CFAP97: variants seen among roughly 807,000 people sequenced by gnomAD.
CFAP97 encodes cilia- and flagella-associated protein 97.
In CFAP97, 36 loss-of-function variants were observed where a neutral mutation model predicts 43.1. That is an observed-to-expected ratio of 0.84 (90% CI 0.64 to 1.10). The LOEUF is 1.10. Ranked by LOEUF, CFAP97 falls within the 50% of genes least tolerant of loss-of-function variation. The pLI, the probability that CFAP97 is intolerant of heterozygous loss-of-function variation, is 0.00. For synonymous variants in CFAP97, 228 were observed against 225.7 expected, an observed-to-expected ratio of 1.01 and a Z score of -0.09; for missense variants, 657 against 620.3, an observed-to-expected ratio of 1.06 and a Z score of -0.63.
At chr4:185,185,840 A>C (rs537776153) in intron 2 of CFAP97, among the ~76,000 whole-genome samples, 1 of 151,798 alleles carries the variant, frequency 6.6e-6, no homozygotes, top group Non-Finnish European at 1.5e-5. Flanking sequence ...GGGTTTCACC[A>C]TGTTGCCCAG....
At chr4:185,172,078 T>A (rs957126941) in intron 3 of CFAP97, among the ~76,000 whole-genome samples, 14 of 152,148 alleles carry the variant, frequency 9.2e-5, no homozygotes, top group African/African-American at 3.1e-4. Context: ...AAAAAATTAC[T>A]CCCCTTTTTA....
At chr4:185,199,211 A>G (rs11132287) in intron 1 of CFAP97, among the ~76,000 whole-genome samples, 69,007 of 151,920 alleles carry the variant, frequency 0.45, 16,317 homozygotes, top group East Asian at 0.57. Context: ...CATCTCTACA[A>G]AAAGAGAAAA....
chr4:185,175,628 G>A lies in CFAP97; in HGVS notation c.1320+158C>T, dbSNP rs573492704. Among the ~76,000 whole-genome samples, 7 of 152,170 alleles carry A rather than the reference G, an allele frequency of 4.6e-5. No homozygotes were observed. In the South Asian group the frequency reaches 8.3e-4, roughly 18 times the overall value. ...GATAAAAATACATATCGTATCCTCC[G>A]GACTTACAGCACATCATATGTTTCA... is the stretch of plus-strand genomic sequence containing the variant. On this transcript the variant is annotated intron_variant, in intron 3 of 4. Transcript: ENST00000458385.
upstream of CFAP97, among the ~76,000 whole-genome samples, chr4:185,205,448 T>A (rs1207103619): frequency 2.2e-5 from 1 of 45,612 alleles, no homozygotes; most frequent in African/African-American, 5.3e-5. Context: ...AGTAAGACTG[T>A]GTCTCAAAAA....
intron 1 of CFAP97, among the ~76,000 whole-genome samples, chr4:185,202,112 T>TA (rs1462977627): frequency 1.3e-5 from 2 of 152,160 alleles, no homozygotes; most frequent in Non-Finnish European, 2.9e-5. Context: ...ATAACCCCAG[T>TA]ACCCAAAGGA....
chr4:185,190,739 T>C lies in CFAP97; in HGVS notation c.458A>G (p.Lys153Arg). The C allele has an allele frequency of 6.3e-7, 1 of 1,584,940 alleles. No individual in the cohort carries two copies. Among genetic ancestry groups the C allele is most frequent in the Non-Finnish European group, 8.6e-7 (1 of 1,163,806 alleles). Residue 153 changes from lysine (K) to arginine (R), a missense_variant, in exon 2 of 5, where the codon AAA becomes AGA. Lys to Arg is a conservative substitution (Grantham distance 26). Coordinates refer to ENST00000458385, the MANE Select transcript of CFAP97 (RefSeq NM_020827.3). The part of the protein sequence containing the change: ...KKYHVKSKSA[K>R]PSTNVKKSIR... ...GCTTTTTTTAACGTTAGTAGATGGT[T>C]TAGCGGACTTGGACTTCACATGGTA...
At chr4:185,202,325 G>C (rs1298397200) in intron 1 of CFAP97, among the ~76,000 whole-genome samples, 1 of 152,178 alleles carries the variant, frequency 6.6e-6, no homozygotes, top group Non-Finnish European at 1.5e-5. Context: ...CAGGCAGGCA[G>C]ACCACTTGAG....
At chr4:185,172,562 G>C (rs908381930) in intron 3 of CFAP97, among the ~76,000 whole-genome samples, 2 of 152,142 alleles carry the variant, frequency 1.3e-5, no homozygotes, top group African/African-American at 4.8e-5. Context: ...TCTGTCACTG[G>C]AGAGAGAGCA....
chr4:185,175,868 C>G lies in CFAP97; in HGVS notation c.1238G>C (p.Arg413Thr). The change falls in exon 3 of 5, where the codon AGA becomes ACA. Residue 413 changes from arginine (R) to threonine (T), a missense_variant. Coordinates refer to ENST00000458385, the MANE Select transcript of CFAP97 (RefSeq NM_020827.3). ...TAACTTTGGGGGATGATCAGCCGATCTAGGAATTGTACTTTTGCTTCCCGG... is the reference window on the plus strand; with the variant it reads ...TAACTTTGGGGGATGATCAGCCGATGTAGGAATTGTACTTTTGCTTCCCGG... ...EKPGSKSTIP[R>T]SADHPPKLYH... is the part of the protein sequence containing the mutation. The G allele has an allele frequency of 1.2e-6, 2 of 1,613,928 alleles. No individual in the cohort carries two copies. Among genetic ancestry groups the G allele is most frequent in the Non-Finnish European group, 1.7e-6 (2 of 1,179,872 alleles).
At chr4:185,201,066 G>A (rs1172819729) in intron 1 of CFAP97, among the ~76,000 whole-genome samples, 1 of 152,082 alleles carries the variant, frequency 6.6e-6, no homozygotes, top group Non-Finnish European at 1.5e-5. Flanking sequence ...GCTCACGCCT[G>A]TAATCCCAAC....
intron 3 of CFAP97, among the ~76,000 whole-genome samples, chr4:185,172,980 ACTGT>A (rs1735364635): frequency 6.6e-6 from 1 of 152,100 alleles, no homozygotes; most frequent in African/African-American, 2.4e-5. Flanking sequence ...AGTATTTAAG[ACTGT>A]CAAACAGGCT....
At chr4:185,185,461 G>A (rs1027253516) in intron 2 of CFAP97, among the ~76,000 whole-genome samples, 4 of 151,984 alleles carry the variant, frequency 2.6e-5, no homozygotes, top group African/African-American at 4.8e-5. Context: ...GAAAACAGTT[G>A]ACAGTATTTA....
At chr4:185,187,404 G>A (rs1206362811) in intron 2 of CFAP97, among the ~76,000 whole-genome samples, 1 of 152,042 alleles carries the variant, frequency 6.6e-6, no homozygotes, top group Non-Finnish European at 1.5e-5. Flanking sequence ...GGACACACAA[G>A]CAAACTAACT....
intron 1 of CFAP97, among the ~76,000 whole-genome samples, chr4:185,196,958 G>A (rs778077924): frequency 5.3e-5 from 8 of 152,008 alleles, no homozygotes; most frequent in Non-Finnish European, 1.2e-4. Context: ...GATTAGCTGG[G>A]TGTGGTGGCA....
chr4:185,162,838 C>T lies in CFAP97; in HGVS notation c.1559G>A (p.Arg520Lys). ...ACGGACATTAGGGGGTTTAGGTCTT[C>T]TTCGAGGGTGGCCACTGGAGGGGTC... The part of the protein sequence containing the change: ...AVDPSSGHPR[R>K]RPKPPNVRTA... Residue 520 changes from arginine to lysine, a missense_variant, in exon 5 of 5, where the codon AGA becomes AAA. Physicochemically the swap from Arg to Lys is conservative, Grantham distance 26. Transcript: ENST00000458385. The T allele has an allele frequency of 6.2e-7, 1 of 1,612,820 alleles. No homozygotes were observed. The highest frequency in any genetic ancestry group is 8.5e-7 in the Non-Finnish European group (1 of 1,179,460).
chr4:185,203,192 C>A (rs897070581), intron 1 of CFAP97, among the ~76,000 whole-genome samples: 1 of 152,086 alleles, frequency 6.6e-6, no homozygotes, highest in African/African-American at 2.4e-5. Context: ...CAGAGCGAGA[C>A]CCTGTCTCAA....
intron 1 of CFAP97, among the ~76,000 whole-genome samples, chr4:185,195,040 C>A (rs995961145): frequency 6.6e-6 from 1 of 152,172 alleles, no homozygotes; most frequent in African/African-American, 2.4e-5. Flanking sequence ...CACGACAGCA[C>A]AGCATCTACT....
upstream of CFAP97, chr4:185,207,861 A>T (rs1465093710): frequency 1.3e-5 from 2 of 152,244 alleles, no homozygotes; most frequent in Non-Finnish European, 2.9e-5. Flanking sequence ...GCTGTTAGTT[A>T]CTATTATGGT....
In CFAP97 at chr4:185,161,641, T is replaced by C. The variant is rs949956190; in HGVS notation, c.*1157A>G. ...TTGAAAAGTCAACAACATTAAACCC[T>C]ATCTGCCATTACCAATTCCATCAAG... On this transcript the variant is annotated 3_prime_UTR_variant, in exon 5 of 5. Transcript: ENST00000458385. 2 of 152,192 alleles carry C rather than the reference T, an allele frequency of 1.3e-5. No individual in the cohort carries two copies. Among genetic ancestry groups the C allele is most frequent in the Admixed American group, 1.3e-4 (2 of 15,278 alleles). The allele number at this position is 152,192 out of a possible 1,614,324, so 9.4% of individuals were successfully genotyped here.
Sources: gnomAD v4.1 joint callset for allele counts (sites outside exome capture counted in the v4.1 genomes callset) on GRCh38, gnomAD v4.1.1 for gene constraint, MANE v1.5 for transcripts, NCBI Gene and HGNC (gene_info 2026-07-23, HGNC 2026-07-21) for gene names.